SGMS1: variants seen among roughly 807,000 people sequenced by gnomAD.
SGMS1 encodes phosphatidylcholine:ceramide cholinephosphotransferase 1.
SGMS1 carries 13 observed loss-of-function variants against 46.2 expected under a neutral mutation model. The observed-to-expected ratio is 0.28, with a 90% CI of 0.18 to 0.45. SGMS1 has a LOEUF of 0.45. Ranked by LOEUF, SGMS1 falls within the 20% of genes least tolerant of loss-of-function variation. The pLI, the probability that SGMS1 is intolerant of heterozygous loss-of-function variation, is 1.00. For missense variants in SGMS1, 324 were observed against 519.9 expected, an observed-to-expected ratio of 0.62 and a Z score of 3.66; for synonymous variants, 203 against 187.8, an observed-to-expected ratio of 1.08 and a Z score of -0.66.
At chr10:50,341,126 C>A (rs1268652870) in intron 7 of SGMS1, 12 of 331,516 alleles carry the variant, frequency 3.6e-5, no homozygotes, top group Non-Finnish European at 4.8e-5. Flanking sequence ...GGATCAATTT[C>A]TCCAAAATGC....
At chr10:50,308,551 A>C (rs1338300464) in intron 9 of SGMS1, among the ~76,000 whole-genome samples, 2 of 152,086 alleles carry the variant, frequency 1.3e-5, no homozygotes, top group Non-Finnish European at 2.9e-5. Context: ...AGCCTAATAC[A>C]AGGACTAAGC....
At chr10:50,553,779 A>C (rs976981087) in intron 2 of SGMS1, among the ~76,000 whole-genome samples, 1 of 152,246 alleles carries the variant, frequency 6.6e-6, no homozygotes, top group Admixed American at 6.5e-5. Flanking sequence ...CTCTTCTTGC[A>C]TAGGTCATCT....
intron 6 of SGMS1, among the ~76,000 whole-genome samples, chr10:50,397,979 T>C (rs2133528511): frequency 6.6e-6 from 1 of 152,322 alleles, no homozygotes; most frequent in East Asian, 1.9e-4. Context: ...GACTTGGGAA[T>C]GCCTTCTACT....
chr10:50,409,667 A>C (rs1849070179), intron 6 of SGMS1, among the ~76,000 whole-genome samples: 1 of 152,220 alleles, frequency 6.6e-6, no homozygotes, highest in Non-Finnish European at 1.5e-5. Context: ...TGCTCCTAAA[A>C]GTAAATGCTA....
intron 6 of SGMS1, among the ~76,000 whole-genome samples, chr10:50,391,331 C>T (rs1848762800): frequency 6.6e-6 from 1 of 152,136 alleles, no homozygotes; most frequent in African/African-American, 2.4e-5. Flanking sequence ...TGTTGTGGGA[C>T]TTGAACATGA....
At chr10:50,559,656 G>A (rs111548844) in intron 2 of SGMS1, among the ~76,000 whole-genome samples, 64 of 152,298 alleles carry the variant, frequency 4.2e-4, no homozygotes, top group African/African-American at 1.4e-3. Context: ...GGGCCACCCT[G>A]CCCTTAGGGC....
chr10:50,510,607 T>C (rs943986588), intron 3 of SGMS1, among the ~76,000 whole-genome samples: 8 of 44,400 alleles, frequency 1.8e-4, no homozygotes, highest in Admixed American at 1.1e-3. Flanking sequence ...GTGGTATCTC[T>C]GTGTTTTTTT....
chr10:50,478,917 C>T (rs900080237), intron 3 of SGMS1, among the ~76,000 whole-genome samples: 1 of 151,950 alleles, frequency 6.6e-6, no homozygotes, highest in African/African-American at 2.4e-5. Context: ...ATACAAGGTA[C>T]AGGAACCACC....
At chr10:50,441,549 T>A (rs559700118) in intron 5 of SGMS1, among the ~76,000 whole-genome samples, 1 of 152,336 alleles carries the variant, frequency 6.6e-6, no homozygotes, top group South Asian at 2.1e-4. Context: ...CTCAAAGGTA[T>A]GTAAGAACAT....
chr10:50,385,623 A>G (rs150119029), intron 6 of SGMS1, among the ~76,000 whole-genome samples: 2 of 152,284 alleles, frequency 1.3e-5, no homozygotes, highest in East Asian at 1.9e-4. Context: ...AATAATCACT[A>G]TGAACTAAGA....
chr10:50,517,681 A>G (rs1173479653), intron 3 of SGMS1, among the ~76,000 whole-genome samples: 1 of 152,110 alleles, frequency 6.6e-6, no homozygotes, highest in East Asian at 1.9e-4. Context: ...GATACATGAA[A>G]TACGAAAAAT....
intron 8 of SGMS1, among the ~76,000 whole-genome samples, chr10:50,313,335 A>G (rs1260075586): frequency 6.6e-6 from 1 of 152,176 alleles, no homozygotes; most frequent in Non-Finnish European, 1.5e-5. Flanking sequence ...CAGAGTAACA[A>G]TATCTCATGT....
intron 2 of SGMS1, among the ~76,000 whole-genome samples, chr10:50,569,776 C>T (rs1387405756): frequency 1.3e-5 from 2 of 152,128 alleles, no homozygotes; most frequent in African/African-American, 2.4e-5. Context: ...GACCTCAGAA[C>T]TGAGGTCAGT....
chr10:50,489,647 G>A (rs1837551453), intron 3 of SGMS1, among the ~76,000 whole-genome samples: 2 of 152,090 alleles, frequency 1.3e-5, no homozygotes, highest in Admixed American at 6.6e-5. Context: ...CCCTCCAAAC[G>A]TTTCCCTTTG....
intron 6 of SGMS1, among the ~76,000 whole-genome samples, chr10:50,368,320 C>T (rs890465391): frequency 2.0e-5 from 3 of 152,072 alleles, no homozygotes; most frequent in African/African-American, 7.2e-5. Flanking sequence ...ACCATCACTA[C>T]AAATATTTAT....
At chr10:50,462,317 T>G (rs1837275206) in intron 4 of SGMS1, among the ~76,000 whole-genome samples, 1 of 152,104 alleles carries the variant, frequency 6.6e-6, no homozygotes, top group South Asian at 2.1e-4. Flanking sequence ...GGGCACCATC[T>G]CCTAATACCA....
rs988095795 is a variant in SGMS1 at position 50,363,102 on chromosome 10, G to A, written c.-231-18757C>T. Reference sequence around the variant, plus strand: ...AAAGATGAATCAGATTTCCAAAAAGGTATTTCACTGGACATATACATTCTA... The same window carrying A: ...AAAGATGAATCAGATTTCCAAAAAGATATTTCACTGGACATATACATTCTA... On this transcript the variant is annotated intron_variant, in intron 6 of 10. Coordinates refer to ENST00000361781, the MANE Select transcript of SGMS1 (RefSeq NM_147156.4). Among the ~76,000 whole-genome samples the A allele has an allele frequency of 2.0e-5, 3 of 146,524 alleles. No individual in the cohort carries two copies. In the East Asian group the frequency reaches 6.2e-4, roughly 30 times the overall value.
chr10:50,489,339 T>C (rs995494140), intron 3 of SGMS1, among the ~76,000 whole-genome samples: 6 of 152,216 alleles, frequency 3.9e-5, no homozygotes, highest in African/African-American at 1.2e-4. Flanking sequence ...CCGAAACATG[T>C]GGATGCTTTC....
At chr10:50,422,208 T>C (rs955440182) in intron 6 of SGMS1, among the ~76,000 whole-genome samples, 1 of 152,140 alleles carries the variant, frequency 6.6e-6, no homozygotes, top group African/African-American at 2.4e-5. Context: ...CCATCTGAGG[T>C]AGACGTGTTT....
Sources: allele counts gnomAD v4.1 joint callset (sites outside exome capture counted in the v4.1 genomes callset), GRCh38; gene constraint gnomAD v4.1.1; transcripts MANE v1.5; gene names NCBI Gene and HGNC (gene_info 2026-07-23, HGNC 2026-07-21).